TNKS: variants seen among roughly 807,000 people sequenced by gnomAD.
TNKS encodes tankyrase.
TNKS carries 72 observed loss-of-function variants against 135.8 expected under a neutral mutation model. That is an observed-to-expected ratio of 0.53 (90% CI 0.44 to 0.64). The LOEUF (loss-of-function observed/expected upper bound fraction) is 0.64, where lower values mean the gene tolerates loss of function less well. Ranked by LOEUF, TNKS falls within the 30% of genes least tolerant of loss-of-function variation. TNKS has a pLI of 0.00. For missense variants in TNKS, 1,769 were observed against 1,674.0 expected (o/e 1.06, Z -0.99); for synonymous variants, 849 against 649.3 (o/e 1.31, Z -4.68).
rs145442183 is a variant in TNKS at position 9,765,241 on chromosome 8, A to T, written c.3447+451A>T. ...GAACAGATGACTCAAGCTTTTTACA[A>T]AGGGGTATCATAAAGATGAATAAAA... is the stretch of plus-strand genomic sequence containing the variant. On this transcript the variant is annotated intron_variant, in intron 23 of 26. Transcript: ENST00000310430. Among the ~76,000 whole-genome samples the T allele has an allele frequency of 4.0e-3, 604 of 152,302 alleles. 7 individuals are homozygous for T. The highest frequency in any genetic ancestry group is 0.014 in the African/African-American group (576 of 41,558).
At chr8:9,761,362 C>T (rs1807138714) in intron 20 of TNKS, among the ~76,000 whole-genome samples, 154 bp from the exon 21 acceptor site, 1 of 152,010 alleles carries the variant, frequency 6.6e-6, no homozygotes, top group East Asian at 1.9e-4. Context: ...ACTATCAAGA[C>T]AACTTTAAAA....
intron 3 of TNKS, among the ~76,000 whole-genome samples, chr8:9,669,052 T>G (rs2128791859): frequency 6.6e-6 from 1 of 152,124 alleles, no homozygotes; most frequent in South Asian, 2.1e-4. Context: ...AAGGAGTAAT[T>G]TAGGGATTAG....
rs562961616 is a variant in TNKS at position 9,746,205 on chromosome 8, G to A, written c.2644-1819G>A. 7.0e-4 allele frequency among the ~76,000 whole-genome samples: 107 copies of A among 152,266 alleles called. 2 individuals are homozygous for A. The highest frequency in any genetic ancestry group is 2.5e-3 in the African/African-American group (102 of 41,558). On this transcript the variant is annotated intron_variant, in intron 17 of 26. Transcript: ENST00000310430. ...CAGTTGCACCAAATTATAGCATACT[G>A]GAGTTGAAATGGATCTCAGAAATAC...
intron 3 of TNKS, among the ~76,000 whole-genome samples, chr8:9,665,084 A>G (rs1180101052): frequency 1.3e-5 from 2 of 152,124 alleles, no homozygotes; most frequent in African/African-American, 2.4e-5. Flanking sequence ...TATACTCACC[A>G]CCTACTATCA....
chr8:9,749,108 T>A (rs1806386771), intron 18 of TNKS, among the ~76,000 whole-genome samples: 1 of 152,194 alleles, frequency 6.6e-6, no homozygotes, highest in East Asian at 1.9e-4. Context: ...TCTGCCACAT[T>A]CTGTTGTGCA....
At chr8:9,733,188 T>G in intron 14 of TNKS, 91 bp from the exon 15 acceptor site, 1 of 1,269,626 alleles carries the variant, frequency 7.9e-7, no homozygotes. Flanking sequence ...GTATAGTCAG[T>G]ACCATAGAAG....
chr8:9,767,384 C>A (rs537174974), intron 25 of TNKS, among the ~76,000 whole-genome samples: 1 of 152,238 alleles, frequency 6.6e-6, no homozygotes, highest in South Asian at 2.1e-4. Flanking sequence ...GGATTTATTA[C>A]ATTTCTGTGT....
chr8:9,674,277 G>A (rs2128794473), intron 3 of TNKS, among the ~76,000 whole-genome samples: 1 of 152,194 alleles, frequency 6.6e-6, no homozygotes, highest in East Asian at 1.9e-4. Flanking sequence ...GCATGAAGTG[G>A]TTTACCCAAG....
At chr8:9,683,695 TA>T (rs1167350849) in intron 5 of TNKS, among the ~76,000 whole-genome samples, 1 of 151,854 alleles carries the variant, frequency 6.6e-6, no homozygotes, top group Non-Finnish European at 1.5e-5. Context: ...TTTTTTAATG[TA>T]ATATGTGGGA....
chr8:9,656,765 C>A (rs998846925), intron 3 of TNKS, among the ~76,000 whole-genome samples: 4 of 151,094 alleles, frequency 2.6e-5, no homozygotes, highest in African/African-American at 7.3e-5. Context: ...GAGGACCCCA[C>A]GGCCTTCCGC....
chr8:9,617,566 A>G (rs1391647729), intron 3 of TNKS, among the ~76,000 whole-genome samples: 1 of 152,216 alleles, frequency 6.6e-6, no homozygotes, highest in African/African-American at 2.4e-5. Context: ...GCAGTGAAAT[A>G]ACACTTAGGT....
chr8:9,607,098 G>T (rs1441943008), intron 2 of TNKS, among the ~76,000 whole-genome samples: 2 of 152,016 alleles, frequency 1.3e-5, no homozygotes, highest in Non-Finnish European at 2.9e-5. Flanking sequence ...TTTTATGGGG[G>T]TCATGCATAT....
At position 9,658,955 on chromosome 8, in the gene TNKS, C is replaced by G. The variant is rs558794023; in HGVS notation, c.995-20996C>G. ...CAATCGTAGTCTTGGATAAAACAGA[C>G]TTTAAACCAACCAAGATCAAAAGAG... is the stretch of plus-strand genomic sequence containing the variant. On this transcript the variant is annotated intron_variant, in intron 3 of 26. Coordinates refer to ENST00000310430, the MANE Select transcript of TNKS (RefSeq NM_003747.3). Among the ~76,000 whole-genome samples the G allele has an allele frequency of 3.3e-5, 5 of 152,276 alleles. No homozygotes were observed. In the East Asian group the frequency reaches 9.6e-4, roughly 29 times the overall value.
chr8:9,749,533 G>A (rs1274610876), intron 18 of TNKS, among the ~76,000 whole-genome samples: 1 of 150,512 alleles, frequency 6.6e-6, no homozygotes, highest in Admixed American at 6.6e-5. Context: ...AGAGTGCAGT[G>A]GCGTGATCAT....
intron 2 of TNKS, among the ~76,000 whole-genome samples, chr8:9,597,237 G>T (rs975993266): frequency 6.6e-6 from 1 of 152,146 alleles, no homozygotes; most frequent in Non-Finnish European, 1.5e-5. Flanking sequence ...ATTTTTATGG[G>T]AAGTTAAATG....
chr8:9,601,960 A>G (rs1799033520), intron 2 of TNKS, among the ~76,000 whole-genome samples: 1 of 152,064 alleles, frequency 6.6e-6, no homozygotes, highest in Non-Finnish European at 1.5e-5. Flanking sequence ...CATGTGTATG[A>G]GGAGGTGGGG....
At chr8:9,666,618 G>A (rs28523514) in intron 3 of TNKS, among the ~76,000 whole-genome samples, 4,804 of 151,982 alleles carry the variant, frequency 0.032, 186 homozygotes, top group African/African-American at 0.095. Flanking sequence ...TACTCGAGAG[G>A]ATGAGGCACA....
intron 1 of TNKS, among the ~76,000 whole-genome samples, chr8:9,560,825 T>G (rs1267802148): frequency 6.6e-6 from 1 of 152,128 alleles, no homozygotes; most frequent in East Asian, 1.9e-4. Context: ...AGTGTTTTCT[T>G]AAAACCTTAA....
intron 26 of TNKS, among the ~76,000 whole-genome samples, chr8:9,773,433 T>G (rs1808054252): frequency 6.6e-6 from 1 of 152,190 alleles, no homozygotes; most frequent in South Asian, 2.1e-4. Context: ...TTAAATATAC[T>G]GTAAGTTATC....
Sources: allele counts gnomAD v4.1 joint callset (sites outside exome capture counted in the v4.1 genomes callset), GRCh38; gene constraint gnomAD v4.1.1; transcripts MANE v1.5; gene names NCBI Gene and HGNC (gene_info 2026-07-23, HGNC 2026-07-21).